The following DBH variants were observed in gnomAD, a reference collection of about 807,000 sequenced individuals.
The protein encoded by DBH is dopamine beta-hydroxylase (dopamine beta-monooxygenase).
Under a neutral mutation model 64.0 loss-of-function variants are expected in DBH, and 49 were observed. The ratio of observed to expected loss-of-function variants is 0.77; its 90% confidence interval spans 0.61 to 0.97. DBH has a LOEUF of 0.97. Ranked by LOEUF, DBH falls within the 50% of genes least tolerant of loss-of-function variation. The probability of loss-of-function intolerance (pLI) is 0.00; values close to 1 mark genes in which losing one functional copy is unlikely to be tolerated. For synonymous variants in DBH, 343 were observed against 347.1 expected (o/e 0.99, Z 0.13); for missense variants, 828 against 826.6 (o/e 1.00, Z -0.02).
intron 7 of DBH, among the ~76,000 whole-genome samples, chr9:133,651,999 C>T (rs1832255275): frequency 1.3e-5 from 2 of 152,062 alleles, no homozygotes; most frequent in South Asian, 2.1e-4. Context: ...TGGTGGGATT[C>T]GGGAGACCCA....
At chr9:133,658,267 C>T (rs1160527706) in intron 11 of DBH, 49 bp from the exon 12 acceptor site, 2 of 1,609,258 alleles carry the variant, frequency 1.2e-6, no homozygotes. Flanking sequence ...AAGCAGCCAC[C>T]CATCTTGCCC....
intron 2 of DBH, 82 bp from the exon 3 acceptor site, chr9:133,642,120 TGGGTG>T (rs1832122754): frequency 6.4e-7 from 1 of 1,555,070 alleles, no homozygotes; most frequent in African/African-American, 1.4e-5. Context: ...CTGGTAGGTG[TGGGTG>T]GGCAGGGATG....
rs770209749 is a variant in DBH at position 133,658,735 on chromosome 9, T to C, written c.*288T>C. 2 of 268,536 alleles carry C rather than the reference T, an allele frequency of 7.4e-6. No individual in the cohort carries two copies. Among genetic ancestry groups the C allele is most frequent in the Non-Finnish European group, 1.4e-5 (2 of 143,328 alleles). The allele number at this position is 268,536 out of a possible 1,614,324, so 16.6% of individuals were successfully genotyped here. A position where few individuals can be genotyped will look rare whatever the true frequency, so the allele number is the denominator to read the frequency against. On this transcript the variant is annotated 3_prime_UTR_variant, in exon 12 of 12. Coordinates refer to ENST00000393056, the MANE Select transcript of DBH (RefSeq NM_000787.4). Reference sequence around the variant, plus strand: ...AGTGCAGGGACAGCCTGCACAGTGGTCCAGGGTCCAGCCCTCCGCCAGCCC... The same window carrying C: ...AGTGCAGGGACAGCCTGCACAGTGGCCCAGGGTCCAGCCCTCCGCCAGCCC...
rs939192156 is a variant in DBH at position 133,658,620 on chromosome 9, C to T, written c.*173C>T. 4.0e-6 allele frequency: 3 copies of T among 745,656 alleles called. No individual in the cohort carries two copies. Among genetic ancestry groups the T allele is most frequent in the Non-Finnish European group, 6.2e-6 (3 of 485,224 alleles). The allele number at this position is 745,656 out of a possible 1,614,324, so 46.2% of individuals were successfully genotyped here. A position where few individuals can be genotyped will look rare whatever the true frequency, so the allele number is the denominator to read the frequency against. On this transcript the variant is annotated 3_prime_UTR_variant, in exon 12 of 12. Coordinates refer to ENST00000393056, the MANE Select transcript of DBH (RefSeq NM_000787.4). Reference sequence around the variant, plus strand: ...CAATCCAGCCTTCTTCCCCCAGGGTCCCCTGCATGGCTGAGAGGGTGTGGG... The same window carrying T: ...CAATCCAGCCTTCTTCCCCCAGGGTTCCCTGCATGGCTGAGAGGGTGTGGG...
intron 1 of DBH, among the ~76,000 whole-genome samples, chr9:133,636,938 G>A (rs1008703469): frequency 4.6e-5 from 7 of 152,144 alleles, no homozygotes; most frequent in Admixed American, 6.5e-5. Context: ...TTGACTGCCC[G>A]CCCCAAATCA....
chr9:133,642,668 G>C (rs1402287548), intron 3 of DBH, among the ~76,000 whole-genome samples: 1 of 152,118 alleles, frequency 6.6e-6, no homozygotes, highest in Non-Finnish European at 1.5e-5. Flanking sequence ...TACCCTCAAA[G>C]GGCCTTGGAG....
Position 133,648,013 on chromosome 9 carries a change from G to C in DBH, c.1191+1G>C, listed in dbSNP as rs1353759443. 6.2e-7 allele frequency: 1 copy of C among 1,611,200 alleles called. No individual in the cohort carries two copies. Among genetic ancestry groups the C allele is most frequent in the African/African-American group, 1.3e-5 (1 of 74,898 alleles). On this transcript the variant is annotated splice_donor_variant, in intron 6 of 11. Transcript: ENST00000393056. LOFTEE classifies it high-confidence loss of function. ...CTGCACGGACAAGTGCACCCAGCTG[G>C]TGAGTGGGGCTGGGCCCGGCACTGC...
intron 9 of DBH, among the ~76,000 whole-genome samples, chr9:133,654,296 T>A (rs1270529968): frequency 6.6e-6 from 1 of 151,920 alleles, no homozygotes; most frequent in Non-Finnish European, 1.5e-5. Context: ...TAGAGATGGA[T>A]TTTCACCATG....
At chr9:133,644,776 G>T (rs909830879) in intron 5 of DBH, among the ~76,000 whole-genome samples, 7 of 152,218 alleles carry the variant, frequency 4.6e-5, no homozygotes, top group African/African-American at 1.4e-4. Flanking sequence ...GACGGGAAGG[G>T]GAGCTGGGGC....
At chr9:133,639,229 A>G in intron 1 of DBH, among the ~76,000 whole-genome samples, 1 of 62,518 alleles carries the variant, frequency 1.6e-5, no homozygotes, top group South Asian at 3.3e-4. Context: ...CCTATCTCAA[A>G]AAAAAAAAAA....
rs755133909 is a variant in DBH, at chr9:133,644,242, G to A, written c.946G>A (p.Gly316Ser). ...AKAFYYPEEA[G>S]LAFGGPGSSR... The stretch of plus-strand genomic sequence containing the variant: ...GGCATTTTACTACCCAGAGGAAGCC[G>A]GCCTTGCCTTCGGGGGTCCAGGGTC... The change falls in exon 5 of 12, where the codon GGC becomes AGC. Residue 316 changes from glycine to serine, a missense_variant. Gly to Ser is a moderately conservative substitution (Grantham distance 56). Transcript: ENST00000393056. 1.9e-5 allele frequency: 31 copies of A among 1,614,016 alleles called. No homozygotes were observed. Among genetic ancestry groups the A allele is most frequent in the Admixed American group, 1.2e-4 (7 of 60,014 alleles).
At chr9:133,649,461 G>A (rs929293673) in intron 6 of DBH, among the ~76,000 whole-genome samples, 2 of 152,218 alleles carry the variant, frequency 1.3e-5, no homozygotes, top group Non-Finnish European at 2.9e-5. Context: ...AGCTGTGGCC[G>A]TGACAGCAGA....
At position 133,643,101 on chromosome 9, in the gene DBH, G is replaced by A. The variant is rs1832136646; in HGVS notation, c.745-312G>A. On this transcript the variant is annotated intron_variant, in intron 3 of 11. Coordinates refer to ENST00000393056, the MANE Select transcript of DBH (RefSeq NM_000787.4). The surrounding 1 kb of genome is among the most constrained non-coding windows in gnomAD (Gnocchi z 5.3). ...GCTTTGGGCCCGGGCTCTAACCTCA[G>A]GGCTGCCCTGCCTCCCACTGGGGCT... is the stretch of plus-strand genomic sequence containing the variant. Among the ~76,000 whole-genome samples the A allele has an allele frequency of 6.6e-6, 1 of 152,174 alleles. No homozygotes were observed. The highest frequency in any genetic ancestry group is 6.5e-5 in the Admixed American group (1 of 15,278).
intron 11 of DBH, among the ~76,000 whole-genome samples, chr9:133,657,945 C>A (rs1037841167): frequency 7.2e-5 from 11 of 152,216 alleles, no homozygotes; most frequent in African/African-American, 2.6e-4. Context: ...GTGGGGTGGA[C>A]GTCTGATGGG....
chr9:133,642,607 G>GC, intron 3 of DBH, 143 bp downstream of exon 3: 1 of 1,029,236 alleles, frequency 9.7e-7, no homozygotes, highest in African/African-American at 1.6e-5. Flanking sequence ...ACCTGCCTGA[G>GC]CAGGGGAGCA....
intron 1 of DBH, among the ~76,000 whole-genome samples, chr9:133,638,494 G>A (rs1832077644): frequency 6.6e-6 from 1 of 152,194 alleles, no homozygotes; most frequent in South Asian, 2.1e-4. Flanking sequence ...GAAAGGCCAG[G>A]CAGGGCAGGG....
chr9:133,651,176 G>A (rs1220124831), intron 6 of DBH, among the ~76,000 whole-genome samples: 2 of 152,224 alleles, frequency 1.3e-5, no homozygotes, highest in African/African-American at 4.8e-5. Flanking sequence ...GGTCCTGCTC[G>A]GCCCACCACG....
rs1564209926 is a variant in DBH, at chr9:133,644,266, T to C, written c.970T>C (p.Ser324Pro). The change falls in exon 5 of 12, where the codon TCC becomes CCC. Residue 324 changes from serine to proline, a missense_variant. Transcript: ENST00000393056. Reference protein sequence around the residue: ...EAGLAFGGPGSSRYLRLEVHY... With the variant: ...EAGLAFGGPGPSRYLRLEVHY... ...CGGCCTTGCCTTCGGGGGTCCAGGG[T>C]CCTCCAGATATCTCCGCCTGGAAGT... 6.2e-7 allele frequency: 1 copy of C among 1,614,128 alleles called. No individual in the cohort carries two copies. The highest frequency in any genetic ancestry group is 8.5e-7 in the Non-Finnish European group (1 of 1,180,006).
At position 133,648,027 on chromosome 9, in the gene DBH, G is replaced by A. The variant is rs1282084307; in HGVS notation, c.1191+15G>A. ...GCACCCAGCTGGTGAGTGGGGCTGG[G>A]CCCGGCACTGCACCCTCCCTCCTCC... On this transcript the variant is annotated intron_variant, in intron 6 of 11. Transcript: ENST00000393056. The A allele has an allele frequency of 6.2e-7, 1 of 1,606,408 alleles. No homozygotes were observed. The highest frequency in any genetic ancestry group is 1.7e-5 in the Admixed American group (1 of 59,494).
Sources: allele counts gnomAD v4.1 joint callset (sites outside exome capture counted in the v4.1 genomes callset), GRCh38; gene constraint gnomAD v4.1.1; non-coding constraint Gnocchi (gnomAD v3.1); transcripts MANE v1.5; gene names NCBI Gene and HGNC (gene_info 2026-07-23, HGNC 2026-07-21).